Variants in ATP10B observed in about 807,000 individuals in gnomAD.
ATP10B encodes the protein phospholipid-transporting ATPase VB.
In ATP10B, 122 loss-of-function variants were observed where a neutral mutation model predicts 141.2. That is an observed-to-expected ratio of 0.86 (90% confidence interval 0.75 to 1.00). ATP10B has a LOEUF of 1.00. Among genes scored for constraint, ATP10B ranks in the 50% least tolerant of loss-of-function variants. The probability of loss-of-function intolerance (pLI) is 0.00; values close to 1 mark genes in which losing one functional copy is unlikely to be tolerated. For synonymous variants in ATP10B, 685 were observed against 692.0 expected, an observed-to-expected ratio of 0.99 and a Z score of 0.16; for missense variants, 1,876 against 1,825.3, an observed-to-expected ratio of 1.03 and a Z score of -0.51.
At chr5:160,813,510 T>C (rs1773328316) in intron 1 of ATP10B, among the ~76,000 whole-genome samples, 1 of 152,148 alleles carries the variant, frequency 6.6e-6, no homozygotes, top group South Asian at 2.1e-4. Flanking sequence ...TGGAGCTCAC[T>C]GCAGCTCAAG....
chr5:160,887,646 T>A, the ATP10B span, among the ~76,000 whole-genome samples: 2 of 152,164 alleles, frequency 1.3e-5, no homozygotes, highest in African/African-American at 4.8e-5. Flanking sequence ...CCCTCACTCA[T>A]GTTTCTCCAG....
rs115193130 is a variant in ATP10B at position 160,780,688 on chromosome 5, A to G, written c.-331+4871T>C. ...TCACCCACAAGAGAATTTATTCTTA[A>G]TTTCAATAGATACTTTTAGATTCCA... is the stretch of plus-strand genomic sequence containing the variant. On this transcript the variant is annotated intron_variant, in intron 2 of 25. Coordinates refer to ENST00000327245, the MANE Select transcript of ATP10B (RefSeq NM_025153.3). Among the ~76,000 whole-genome samples, 840 of 152,244 alleles carry G rather than the reference A, an allele frequency of 5.5e-3. 7 individuals carry two copies. The highest frequency in any genetic ancestry group is 0.018 in the African/African-American group (758 of 41,536).
chr5:160,925,444 G>T, the ATP10B span, among the ~76,000 whole-genome samples: 1 of 152,346 alleles, frequency 6.6e-6, no homozygotes, highest in Non-Finnish European at 1.5e-5. Flanking sequence ...AAACAGAGTG[G>T]TTGGGAAAAT....
At chr5:160,786,466 C>A (rs1771152696) in intron 1 of ATP10B, among the ~76,000 whole-genome samples, 2 of 152,038 alleles carry the variant, frequency 1.3e-5, no homozygotes, top group Non-Finnish European at 2.9e-5. Context: ...GAAAACAGGG[C>A]AGTTATCATA....
chr5:160,830,919 G>C (rs1413582010), intron 1 of ATP10B, among the ~76,000 whole-genome samples: 1 of 150,580 alleles, frequency 6.6e-6, no homozygotes, highest in Admixed American at 6.7e-5. Context: ...CTCTATCCCT[G>C]TTTCTGTATG....
At position 160,620,739 on chromosome 5, in the gene ATP10B, G is replaced by T; in HGVS notation, c.2024C>A (p.Thr675Asn). Residue 675 changes from threonine to asparagine, a missense_variant, in exon 15 of 26, where the codon ACT becomes AAT. Physicochemically the swap from Thr to Asn is moderately conservative, Grantham distance 65. Transcript: ENST00000327245. Reference protein sequence around the residue: ...DASVCSGGDSTDDGGYRSSMW... With the variant: ...DASVCSGGDSNDDGGYRSSMW... Reference sequence around the variant, plus strand: ...GCTGCTCCTGTAGCCACCGTCATCAGTGGAGTCACCTCCACTGCACACAGA... The same window carrying T: ...GCTGCTCCTGTAGCCACCGTCATCATTGGAGTCACCTCCACTGCACACAGA... 6.2e-7 allele frequency: 1 copy of T among 1,614,224 alleles called. No individual in the cohort carries two copies.
At chr5:160,775,898 G>A (rs1373349590) in intron 2 of ATP10B, among the ~76,000 whole-genome samples, 3 of 152,030 alleles carry the variant, frequency 2.0e-5, no homozygotes, top group Non-Finnish European at 2.9e-5. Context: ...AGCCAGGATG[G>A]TCTTGATCTC....
chr5:160,857,817 A>T, the ATP10B span, among the ~76,000 whole-genome samples: 5 of 151,788 alleles, frequency 3.3e-5, no homozygotes, highest in Admixed American at 1.3e-4. Context: ...GATTTCTTTT[A>T]TCTTTCTATA....
intron 1 of ATP10B, among the ~76,000 whole-genome samples, chr5:160,820,299 A>G (rs1173431753): frequency 2.0e-5 from 3 of 152,104 alleles, no homozygotes; most frequent in African/African-American, 7.2e-5. Flanking sequence ...ATTCCTGGAC[A>G]CATGCAACCT....
chr5:160,822,989 C>CATATATATATATATAT (rs773879988), intron 1 of ATP10B, among the ~76,000 whole-genome samples: 7 of 69,702 alleles, frequency 1.0e-4, no homozygotes, highest in Non-Finnish European at 1.4e-4. Context: ...ATTACATATA[C>CATATATATATATATAT]ATATATATAT....
chr5:160,600,897 C>A (rs141285188), intron 21 of ATP10B, among the ~76,000 whole-genome samples: 1 of 152,074 alleles, frequency 6.6e-6, no homozygotes, highest in East Asian at 1.9e-4. Context: ...GGAGATAATG[C>A]GGCATTAGTA....
At chr5:160,750,314 T>C (rs1768068746) in intron 2 of ATP10B, among the ~76,000 whole-genome samples, 2 of 152,166 alleles carry the variant, frequency 1.3e-5, no homozygotes, top group Non-Finnish European at 2.9e-5. Context: ...AGGCTTAACC[T>C]GGCCTGACCA....
At chr5:160,642,297 G>A (rs946623631) in intron 9 of ATP10B, among the ~76,000 whole-genome samples, 4 of 152,186 alleles carry the variant, frequency 2.6e-5, no homozygotes, top group Admixed American at 2.6e-4. Flanking sequence ...TTAGTTTCTG[G>A]TAAGTTGGGA....
intron 7 of ATP10B, among the ~76,000 whole-genome samples, chr5:160,667,943 G>A (rs1347937018): frequency 6.6e-6 from 1 of 152,022 alleles, no homozygotes; most frequent in East Asian, 1.9e-4. Context: ...AAAAACGGTA[G>A]AATAGGCCAG....
chr5:160,641,372 C>T (rs966600243), intron 9 of ATP10B, among the ~76,000 whole-genome samples: 4 of 152,144 alleles, frequency 2.6e-5, no homozygotes, highest in Non-Finnish European at 4.4e-5. Context: ...ACCAAAGGTC[C>T]CCACCCCAGC....
At chr5:160,860,200 T>C in the ATP10B span, among the ~76,000 whole-genome samples, 1 of 151,858 alleles carries the variant, frequency 6.6e-6, no homozygotes, top group Admixed American at 6.6e-5. Context: ...TCTTGATTAC[T>C]GGGAATGAAT....
the ATP10B span, among the ~76,000 whole-genome samples, chr5:160,871,645 T>A: frequency 6.6e-6 from 1 of 152,172 alleles, no homozygotes; most frequent in Non-Finnish European, 1.5e-5. Flanking sequence ...CTGAGTTACT[T>A]CACTTAAAAG....
chr5:160,818,556 G>T (rs1244845108), intron 1 of ATP10B, among the ~76,000 whole-genome samples: 2 of 152,230 alleles, frequency 1.3e-5, no homozygotes, highest in Non-Finnish European at 2.9e-5. Context: ...TGGTGGGACT[G>T]TAAACTAGTT....
intron 6 of ATP10B, among the ~76,000 whole-genome samples, chr5:160,675,893 G>A (rs543923440): frequency 2.0e-4 from 31 of 152,176 alleles, no homozygotes; most frequent in African/African-American, 7.2e-4. Flanking sequence ...GGGCGACCAG[G>A]ACCCCTGGCT....
Sources: allele counts gnomAD v4.1 joint callset (sites outside exome capture counted in the v4.1 genomes callset), GRCh38; gene constraint gnomAD v4.1.1; transcripts MANE v1.5; gene names NCBI Gene and HGNC (gene_info 2026-07-23, HGNC 2026-07-21).